Variants in PCDHGA5 observed in about 807,000 individuals in gnomAD.
PCDHGA5 encodes the protein protocadherin gamma subfamily A, 5.
PCDHGA5 carries 36 observed loss-of-function variants against 56.7 expected under a neutral mutation model. That is an observed-to-expected ratio of 0.64 (90% CI 0.49 to 0.84). The LOEUF is 0.84. Ranked by LOEUF, PCDHGA5 falls within the 40% of genes least tolerant of loss-of-function variation. The pLI is 0.00. For missense variants in PCDHGA5, 1,305 were observed against 1,201.5 expected (o/e 1.09, Z -1.27); for synonymous variants, 563 against 520.2 (o/e 1.08, Z -1.12).
At chr5:141,374,177 C>T in intron 1 of PCDHGA5, 4 of 1,613,578 alleles carry the variant, frequency 2.5e-6, no homozygotes, top group Non-Finnish European at 3.4e-6. Context: ...AGCGCAGATC[C>T]GCTACTCTAT....
chr5:141,428,508 T>G, intron 1 of PCDHGA5: 1 of 279,550 alleles, frequency 3.6e-6, no homozygotes, highest in South Asian at 4.0e-5. Flanking sequence ...CCTCGGATTC[T>G]AGAAAAAGAA....
chr5:141,492,880 T>C (rs1204475362), intron 1 of PCDHGA5, among the ~76,000 whole-genome samples: 2 of 152,184 alleles, frequency 1.3e-5, no homozygotes, highest in African/African-American at 4.8e-5. Context: ...CCCCCAGAGA[T>C]ACAGGCTTTT....
intron 1 of PCDHGA5, chr5:141,375,866 G>T: frequency 1.2e-6 from 2 of 1,613,948 alleles, no homozygotes; most frequent in Non-Finnish European, 8.5e-7. Flanking sequence ...GGTGGCGGTG[G>T]ACAGAGACTC....
At chr5:141,464,415 C>A (rs1185416197) in intron 1 of PCDHGA5, among the ~76,000 whole-genome samples, 2 of 150,854 alleles carry the variant, frequency 1.3e-5, no homozygotes, top group Admixed American at 6.6e-5. Context: ...ATATATATAT[C>A]TATATATATA....
At chr5:141,434,691 A>G (rs1263712056) in intron 1 of PCDHGA5, among the ~76,000 whole-genome samples, 2 of 152,150 alleles carry the variant, frequency 1.3e-5, no homozygotes. Flanking sequence ...GCTTGCTGTT[A>G]ATAAATATGT....
At chr5:141,409,378 C>G (rs780715519) in intron 1 of PCDHGA5, 3 of 1,613,996 alleles carry the variant, frequency 1.9e-6, no homozygotes, top group Non-Finnish European at 2.5e-6. Context: ...ACATTCCATT[C>G]AAGATTTATT....
At chr5:141,382,654 A>G in intron 1 of PCDHGA5, 1 of 413,618 alleles carries the variant, frequency 2.4e-6, no homozygotes, top group Non-Finnish European at 4.3e-6. Flanking sequence ...CTTAGTAAGG[A>G]CTCACAGCGC....
intron 1 of PCDHGA5, chr5:141,371,776 T>C (rs1216205837): frequency 6.2e-7 from 1 of 1,613,882 alleles, no homozygotes; most frequent in Non-Finnish European, 8.5e-7. Flanking sequence ...ACCGTGCATG[T>C]AGCTGAGAAC....
At chr5:141,402,212 A>C (rs1282581389) in intron 1 of PCDHGA5, among the ~76,000 whole-genome samples, 1 of 152,138 alleles carries the variant, frequency 6.6e-6, no homozygotes, top group Non-Finnish European at 1.5e-5. Flanking sequence ...ACAAAAATTT[A>C]AAATAAACGT....
chr5:141,487,826 T>C lies in PCDHGA5; in HGVS notation c.2422-6981T>C, dbSNP rs1321152837. 24 of 1,187,814 alleles carry C rather than the reference T, an allele frequency of 2.0e-5. No homozygotes were observed. The highest frequency in any genetic ancestry group is 2.8e-5 in the Non-Finnish European group (24 of 856,356). The allele number at this position is 1,187,814 out of a possible 1,614,324, so 73.6% of individuals were successfully genotyped here. On this transcript the variant is annotated intron_variant, in intron 1 of 3. Coordinates refer to ENST00000518069, the MANE Select transcript of PCDHGA5 (RefSeq NM_018918.3). The surrounding 1 kb of genome is among the most constrained non-coding windows in gnomAD (Gnocchi z 5.0). ...ACAGTTTAGCATTGGGGGCGGGTCA[T>C]GCCTATATCTGAGTAAGAAATGAAA... is the stretch of plus-strand genomic sequence containing the variant.
chr5:141,404,085 A>G, intron 1 of PCDHGA5: 1 of 1,613,618 alleles, frequency 6.2e-7, no homozygotes, highest in South Asian at 1.1e-5. Context: ...GACTCCGGGA[A>G]GAATGGTCAA....
chr5:141,446,775 T>C (rs1175892018), intron 1 of PCDHGA5, among the ~76,000 whole-genome samples: 2 of 152,188 alleles, frequency 1.3e-5, no homozygotes, highest in Admixed American at 6.5e-5. Context: ...CCGGTTACCA[T>C]TCTTTTACTC....
At chr5:141,370,568 G>C in intron 1 of PCDHGA5, 1 of 1,613,930 alleles carries the variant, frequency 6.2e-7, no homozygotes, top group Non-Finnish European at 8.5e-7. Context: ...GGTTTGGCGT[G>C]GGGGATTTAC....
At chr5:141,446,098 A>G (rs375135134) in intron 1 of PCDHGA5, among the ~76,000 whole-genome samples, 2 of 152,350 alleles carry the variant, frequency 1.3e-5, no homozygotes, top group African/African-American at 4.8e-5. Flanking sequence ...TGGATGAATT[A>G]TAGATATATT....
Position 141,489,569 on chromosome 5 carries a change from C to T in PCDHGA5, c.2422-5238C>T. On this transcript the variant is annotated intron_variant, in intron 1 of 3. Coordinates refer to ENST00000518069, the MANE Select transcript of PCDHGA5 (RefSeq NM_018918.3). This position sits in a 1 kb window ranked among gnomAD's most constrained non-coding sequence, Gnocchi z 4.5. ...TGCCTGCTGCCAGTGCAGGTGGTGACTGAACACCCCCTGGAGCTAATCCGT... is the reference window on the plus strand; with the variant it reads ...TGCCTGCTGCCAGTGCAGGTGGTGATTGAACACCCCCTGGAGCTAATCCGT... 6.2e-7 allele frequency: 1 copy of T among 1,614,024 alleles called. No homozygotes were observed. The highest frequency in any genetic ancestry group is 2.2e-5 in the East Asian group (1 of 44,870).
rs1309124846 is a variant in PCDHGA5, at chr5:141,491,295, T to C, written c.2422-3512T>C. On this transcript the variant is annotated intron_variant, in intron 1 of 3. Coordinates refer to ENST00000518069, the MANE Select transcript of PCDHGA5 (RefSeq NM_018918.3). This position sits in a 1 kb window ranked among gnomAD's most constrained non-coding sequence, Gnocchi z 6.9. ...CCAGTGACTTCCTCATACACCCTCC[T>C]GAGCGTTCAGACCTTACCCTTTACC... The C allele has an allele frequency of 6.2e-7, 1 of 1,614,176 alleles. No homozygotes were observed. Among genetic ancestry groups the C allele is most frequent in the Non-Finnish European group, 8.5e-7 (1 of 1,179,994 alleles).
Position 141,431,634 on chromosome 5 carries a change from T to C in PCDHGA5, c.2422-63173T>C. 2.5e-6 allele frequency: 4 copies of C among 1,614,238 alleles called. No homozygotes were observed. Among genetic ancestry groups the C allele is most frequent in the Non-Finnish European group, 3.4e-6 (4 of 1,180,044 alleles). ...GTGGACGACAAGGCGGCCCAAGTTTTCAAACTAGATTGTAATTCAGGGACA... is the reference window on the plus strand; with the variant it reads ...GTGGACGACAAGGCGGCCCAAGTTTCCAAACTAGATTGTAATTCAGGGACA... On this transcript the variant is annotated intron_variant, in intron 1 of 3. Coordinates refer to ENST00000518069, the MANE Select transcript of PCDHGA5 (RefSeq NM_018918.3). The surrounding 1 kb of genome is among the most constrained non-coding windows in gnomAD (Gnocchi z 4.8).
At chr5:141,460,335 T>C (rs1201595717) in intron 1 of PCDHGA5, among the ~76,000 whole-genome samples, 3 of 152,194 alleles carry the variant, frequency 2.0e-5, no homozygotes, top group Non-Finnish European at 4.4e-5. Flanking sequence ...CTTATGATGA[T>C]TTTCTCCTAT....
At chr5:141,393,192 A>G in intron 1 of PCDHGA5, 2 of 1,613,468 alleles carry the variant, frequency 1.2e-6, no homozygotes, top group Non-Finnish European at 1.7e-6. Flanking sequence ...AATTGATATT[A>G]ACGATAATAA....
Sources: allele counts gnomAD v4.1 joint callset (sites outside exome capture counted in the v4.1 genomes callset), GRCh38; gene constraint gnomAD v4.1.1; non-coding constraint Gnocchi (gnomAD v3.1); transcripts MANE v1.5; gene names NCBI Gene and HGNC (gene_info 2026-07-23, HGNC 2026-07-21).